ACOT11: variants seen among roughly 807,000 people sequenced by gnomAD.
ACOT11 encodes the protein acyl-coenzyme A thioesterase 11.
In ACOT11, 69 loss-of-function variants were observed where a neutral mutation model predicts 77.5. That is an observed-to-expected ratio of 0.89 (90% CI 0.73 to 1.09). ACOT11 has a LOEUF of 1.09. Ranked by LOEUF, ACOT11 falls within the 50% of genes least tolerant of loss-of-function variation. The probability of loss-of-function intolerance (pLI) is 0.00; values close to 1 mark genes in which losing one functional copy is unlikely to be tolerated. For synonymous variants in ACOT11, 279 were observed against 313.0 expected, an observed-to-expected ratio of 0.89 and a Z score of 1.15; for missense variants, 766 against 813.7, an observed-to-expected ratio of 0.94 and a Z score of 0.71.
chr1:54,607,166 A>G lies in ACOT11; in HGVS notation c.1403A>G (p.Asp468Gly). Residue 468 changes from aspartate to glycine, a missense_variant, in exon 14 of 16, where the codon GAC (aspartate) becomes GGC (glycine). Coordinates refer to ENST00000343744, the MANE Select transcript of ACOT11 (RefSeq NM_147161.4). The surrounding 1 kb of genome is among the most constrained non-coding windows in gnomAD (Gnocchi z 4.5). ...SVELVQQVDE[D>G]DAIYHVTSPA... ...GAGCTAGTGCAGCAGGTAGACGAGG[A>G]CGACGCCATCTACCACGTCACCAGC... 1 of 1,614,114 alleles carries G rather than the reference A, an allele frequency of 6.2e-7. No individual in the cohort carries two copies. The highest frequency in any genetic ancestry group is 2.2e-5 in the East Asian group (1 of 44,872).
At chr1:54,559,430 A>G (rs1490603679) in intron 1 of ACOT11, among the ~76,000 whole-genome samples, 3 of 152,176 alleles carry the variant, frequency 2.0e-5, no homozygotes, top group Non-Finnish European at 4.4e-5. Context: ...CGATGACGAA[A>G]AGGGTGCTGC....
Position 54,623,422 on chromosome 1 carries a change from A to C in ACOT11, c.1630-7312A>C, listed in dbSNP as rs775124284. 1.9e-6 allele frequency: 3 copies of C among 1,574,320 alleles called. No individual in the cohort carries two copies. The Admixed American group carries it at 5.0e-5, about 26-fold the overall frequency. On this transcript the variant is annotated intron_variant, in intron 15 of 16. Coordinates refer to the ACOT11 transcript ENST00000371316. ...GCGACGCTCTCTGGGGAATGCCCCC[A>C]ACTCCGTGCGGCCCAGAGTCCCTGA...
At chr1:54,637,814 A>G (rs1402497855) in exon 17 of ACOT11, 2 of 152,072 alleles carry the variant, frequency 1.3e-5, no homozygotes, top group Non-Finnish European at 2.9e-5. Flanking sequence ...TGTGCAACTC[A>G]TCAGAGTTGC....
chr1:54,580,894 C>A (rs939618650), intron 1 of ACOT11, among the ~76,000 whole-genome samples: 3 of 152,186 alleles, frequency 2.0e-5, no homozygotes, highest in Admixed American at 1.3e-4. Context: ...GGAAGTGGCA[C>A]CTTCATGTTG....
intron 1 of ACOT11, among the ~76,000 whole-genome samples, chr1:54,550,032 T>C (rs1352739303): frequency 6.6e-6 from 1 of 152,230 alleles, no homozygotes. Context: ...TTCAGTTCTC[T>C]ATGAGGTAGG....
At chr1:54,606,051 C>T (rs1217380495) in intron 13 of ACOT11, among the ~76,000 whole-genome samples, 1 of 152,162 alleles carries the variant, frequency 6.6e-6, no homozygotes, top group Non-Finnish European at 1.5e-5. Context: ...CCCTTCCCAC[C>T]CCATCTATTT....
rs140389767 is a variant in ACOT11 at position 54,617,268 on chromosome 1, G to T, written c.1629+9200G>T. Reference sequence around the variant, plus strand: ...GGCACTCACACTTGAAGAGTGTAGTGGAGGGGAGAGGGGCCGCTTTTGGCC... The same window carrying T: ...GGCACTCACACTTGAAGAGTGTAGTTGAGGGGAGAGGGGCCGCTTTTGGCC... On this transcript the variant is annotated intron_variant, in intron 15 of 16. Coordinates refer to the ACOT11 transcript ENST00000371316. 3.1e-3 allele frequency among the ~76,000 whole-genome samples: 476 copies of T among 152,180 alleles called. 4 individuals are homozygous for T. Among genetic ancestry groups the T allele is most frequent in the African/African-American group, 0.01 (430 of 41,512 alleles).
At chr1:54,552,757 G>A (rs2100934748) in intron 1 of ACOT11, among the ~76,000 whole-genome samples, 1 of 152,058 alleles carries the variant, frequency 6.6e-6, no homozygotes, top group East Asian at 1.9e-4. Flanking sequence ...AAAATGCTGG[G>A]ATTACAGGCA....
At chr1:54,556,944 T>G (rs75143727) in intron 1 of ACOT11, among the ~76,000 whole-genome samples, 28,410 of 151,676 alleles carry the variant, frequency 0.19, 2,946 homozygotes, top group Middle Eastern at 0.25. Context: ...TTCCCTCTGT[T>G]GCCCAGGTTG....
chr1:54,585,297 G>A (rs949087245), intron 2 of ACOT11, among the ~76,000 whole-genome samples: 1 of 152,186 alleles, frequency 6.6e-6, no homozygotes, highest in Non-Finnish European at 1.5e-5. Context: ...GTGGGGATGG[G>A]GGATAGACAG....
At chr1:54,583,888 G>T (rs1654405583) in intron 1 of ACOT11, among the ~76,000 whole-genome samples, 1 of 152,170 alleles carries the variant, frequency 6.6e-6, no homozygotes, top group Non-Finnish European at 1.5e-5. Context: ...GCTTAGGGAT[G>T]GCAGGCTGCT....
rs2304305 is a variant in ACOT11, at chr1:54,597,287, G to T, written c.636G>T (p.Met212Ile). The change falls in exon 7 of 16, where the codon ATG becomes ATT. Residue 212 changes from methionine to isoleucine, a missense_variant. By Grantham distance (10) the Met-to-Ile change is conservative. Coordinates refer to ENST00000343744, the MANE Select transcript of ACOT11 (RefSeq NM_147161.4). Reference protein sequence around the residue: ...GDLESRDCSRMVPAEKTRVES... With the variant: ...GDLESRDCSRIVPAEKTRVES... ...TGGAGAGCAGAGACTGTAGCCGCAT[G>T]GTGCCGGCTGAGAAGACCCGTGTGG... is the stretch of plus-strand genomic sequence containing the variant. 8 of 1,613,440 alleles carry T rather than the reference G, an allele frequency of 5.0e-6. No homozygotes were observed. The African/African-American group carries it at 9.3e-5, about 19-fold the overall frequency.
At chr1:54,612,997 T>C (rs993563578), downstream of ACOT11, among the ~76,000 whole-genome samples, 1 of 95,970 alleles carries the variant, frequency 1.0e-5, no homozygotes, top group Non-Finnish European at 2.1e-5. Context: ...CATCCTCATA[T>C]AGACAGGAAA....
rs1617287 is a variant in ACOT11, at chr1:54,609,167, T to A, written c.*55T>A. ...CCCACTCCATCCTGTCCCCAAGGAC[T>A]CACATACAGTGCCTGGAGAAAGCCA... On this transcript the variant is annotated 3_prime_UTR_variant, in exon 16 of 16. Transcript: ENST00000343744. The A allele has an allele frequency of 0.47, 760,289 of 1,610,760 alleles. 189,118 individuals are homozygous for A. The highest frequency in any genetic ancestry group is 0.52 in the Non-Finnish European group (617,308 of 1,178,252).
intron 3 of ACOT11, among the ~76,000 whole-genome samples, chr1:54,586,436 T>C (rs1654504413): frequency 6.6e-6 from 1 of 151,712 alleles, no homozygotes; most frequent in African/African-American, 2.4e-5. Flanking sequence ...TTTTTTTTTT[T>C]TTCTTTTTTT....
chr1:54,617,814 G>C (rs1033491068), intron 15 of ACOT11, among the ~76,000 whole-genome samples: 1 of 141,798 alleles, frequency 7.1e-6, no homozygotes. Flanking sequence ...ACCTCTGCCT[G>C]CTGGGTTCAA....
rs1185495587 is a variant in ACOT11, at chr1:54,576,620, T to C, written c.34-8035T>C. Among the ~76,000 whole-genome samples, 4 of 152,172 alleles carry C rather than the reference T, an allele frequency of 2.6e-5. No individual in the cohort carries two copies. The East Asian group carries it at 7.7e-4, about 29-fold the overall frequency. The stretch of plus-strand genomic sequence containing the variant: ...GACCCTGTGGCAGGGGCTGTGTGAC[T>C]TTTAAGCAATAAGCAGCTATAAGAA... On this transcript the variant is annotated intron_variant, in intron 1 of 15. Coordinates refer to ENST00000343744, the MANE Select transcript of ACOT11 (RefSeq NM_147161.4).
exon 17 of ACOT11, chr1:54,636,817 GAT>G (rs1181730103): frequency 6.5e-6 from 1 of 154,446 alleles, no homozygotes; most frequent in East Asian, 1.9e-4. Context: ...GGGTACTTGA[GAT>G]TAGGGAGTGG....
chr1:54,619,792 A>T (rs1557673880), intron 15 of ACOT11: 40 of 1,476,320 alleles, frequency 2.7e-5, no homozygotes, highest in Non-Finnish European at 3.4e-5. Flanking sequence ...CCAGTGTCTG[A>T]TCCTCACTTC....
Sources: gnomAD v4.1 joint callset for allele counts (sites outside exome capture counted in the v4.1 genomes callset) on GRCh38, gnomAD v4.1.1 for gene constraint, Gnocchi (gnomAD v3.1) non-coding constraint, MANE v1.5 for transcripts, NCBI Gene and HGNC (gene_info 2026-07-23, HGNC 2026-07-21) for gene names.